Variants in TMOD3 observed in about 807,000 individuals in gnomAD.
TMOD3 encodes the protein tropomodulin-3.
In TMOD3, 20 loss-of-function variants were observed where a neutral mutation model predicts 39.2. The ratio of observed to expected loss-of-function variants is 0.51; its 90% CI spans 0.36 to 0.74. The LOEUF (loss-of-function observed/expected upper bound fraction) is 0.74, where lower values mean the gene tolerates loss of function less well. Among genes scored for constraint, TMOD3 ranks in the 30% least tolerant of loss-of-function variants. TMOD3 has a pLI of 0.00. For synonymous variants in TMOD3, 143 were observed against 145.8 expected, an observed-to-expected ratio of 0.98 and a Z score of 0.14; for missense variants, 381 against 412.8, an observed-to-expected ratio of 0.92 and a Z score of 0.67.
intron 9 of TMOD3, among the ~76,000 whole-genome samples, chr15:51,906,763 G>A (rs2056683394): frequency 6.6e-6 from 1 of 152,186 alleles, no homozygotes; most frequent in South Asian, 2.1e-4. Context: ...GCTCACGCCT[G>A]TAATCCCAGC....
chr15:51,889,830 C>T (rs2056583240), intron 5 of TMOD3, among the ~76,000 whole-genome samples: 1 of 152,146 alleles, frequency 6.6e-6, no homozygotes, highest in Admixed American at 6.5e-5. Context: ...CACTACTGCA[C>T]TCGAGCCTGG....
chr15:51,842,292 C>T (rs1050107761), intron 1 of TMOD3, among the ~76,000 whole-genome samples: 5 of 152,112 alleles, frequency 3.3e-5, no homozygotes, highest in Admixed American at 6.6e-5. Flanking sequence ...TCTCCATAGG[C>T]GAATACCCTA....
chr15:51,861,034 T>C, intron 1 of TMOD3: 1 of 715,596 alleles, frequency 1.4e-6, no homozygotes, highest in Non-Finnish European at 2.3e-6. Context: ...TGGTGTACAA[T>C]AGAATTCTCA....
intron 3 of TMOD3, among the ~76,000 whole-genome samples, chr15:51,876,926 G>T (rs940543202): frequency 6.6e-6 from 1 of 152,096 alleles, no homozygotes; most frequent in Admixed American, 6.6e-5. Context: ...AGCTGGATGC[G>T]GTGGTGTGTG....
chr15:51,893,473 G>A (rs2056604941), intron 5 of TMOD3, among the ~76,000 whole-genome samples: 1 of 150,626 alleles, frequency 6.6e-6, no homozygotes, highest in Admixed American at 6.6e-5. Context: ...CACTGTAATA[G>A]TATCAACTCC....
chr15:51,913,311 G>T lies in TMOD3; in HGVS notation c.*4501G>T, dbSNP rs1173236524. On this transcript the variant is annotated 3_prime_UTR_variant, in exon 10 of 10. Coordinates refer to ENST00000308580, the MANE Select transcript of TMOD3 (RefSeq NM_014547.5). Reference sequence around the variant, plus strand: ...TAATTTGGTCATTCTTAGATCTACAGATTGAACATCCCTAATTGAAAACTT... The same window carrying T: ...TAATTTGGTCATTCTTAGATCTACATATTGAACATCCCTAATTGAAAACTT... 6.6e-6 allele frequency: 1 copy of T among 152,154 alleles called. No homozygotes were observed. Among genetic ancestry groups the T allele is most frequent in the African/African-American group, 2.4e-5 (1 of 41,414 alleles). 9.4% of individuals were successfully genotyped at this position (152,154 alleles called of 1,614,324 possible).
At chr15:51,860,261 C>A in intron 1 of TMOD3, 1 of 518,460 alleles carries the variant, frequency 1.9e-6, no homozygotes, top group South Asian at 1.4e-5. Context: ...CAGTTGAAAG[C>A]AGTGACACAT....
chr15:51,894,365 A>G (rs1167945546), intron 6 of TMOD3, among the ~76,000 whole-genome samples: 3 of 152,214 alleles, frequency 2.0e-5, no homozygotes, highest in Non-Finnish European at 1.5e-5. Flanking sequence ...AGCCTGGGCA[A>G]CATAGTGAGA....
chr15:51,886,288 CT>C (rs2056562796), intron 3 of TMOD3, among the ~76,000 whole-genome samples: 2 of 152,230 alleles, frequency 1.3e-5, no homozygotes, highest in African/African-American at 4.8e-5. Context: ...AGGCTGCAAT[CT>C]GGGCACTTTG....
At chr15:51,887,539 A>G (rs1234069377) in intron 3 of TMOD3, 50 bp from the exon 4 acceptor site, 1 of 1,576,326 alleles carries the variant, frequency 6.3e-7, no homozygotes, top group Admixed American at 1.9e-5. Flanking sequence ...TAAAATGGTA[A>G]TGAGTTGATA....
intron 1 of TMOD3, among the ~76,000 whole-genome samples, chr15:51,843,841 A>G (rs2141671170): frequency 6.6e-6 from 1 of 152,142 alleles, no homozygotes; most frequent in East Asian, 1.9e-4. Context: ...GGGAGAATAT[A>G]TAATTACATA....
chr15:51,884,318 G>A (rs2056549004), intron 3 of TMOD3, among the ~76,000 whole-genome samples: 2 of 152,228 alleles, frequency 1.3e-5, no homozygotes, highest in Admixed American at 1.3e-4. Context: ...GCATCCCCTT[G>A]AAAAGCATGC....
chr15:51,901,973 C>T lies in TMOD3; in HGVS notation c.961C>T (p.Gln321Ter). 1 of 1,614,100 alleles carries T rather than the reference C, an allele frequency of 6.2e-7. No individual in the cohort carries two copies. The highest frequency in any genetic ancestry group is 8.5e-7 in the Non-Finnish European group (1 of 1,180,008). The part of the protein sequence containing the change: ...ENTNILKFGY[Q>*]FTQQGPRTRA... ...TACAAATATCCTTAAATTTGGATAT[C>T]AGTTTACACAGCAGGGACCACGAAC... Residue 321 changes from glutamine to a stop codon, truncating the protein, a stop_gained, in exon 9 of 10, where the codon CAG (glutamine) becomes TAG (stop). Coordinates refer to ENST00000308580, the MANE Select transcript of TMOD3 (RefSeq NM_014547.5). LOFTEE classifies it high-confidence loss of function.
chr15:51,890,521 T>C (rs1459869077), intron 5 of TMOD3, among the ~76,000 whole-genome samples: 1 of 152,034 alleles, frequency 6.6e-6, no homozygotes, highest in Admixed American at 6.6e-5. Flanking sequence ...TGTGCACAGC[T>C]CTTGGACGTG....
intron 6 of TMOD3, 78 bp downstream of exon 6, chr15:51,894,023 A>G (rs2056608723): frequency 1.6e-6 from 2 of 1,287,932 alleles, no homozygotes; most frequent in African/African-American, 1.5e-5. Context: ...AGTTGATAAA[A>G]TAGTCTAATT....
intron 5 of TMOD3, among the ~76,000 whole-genome samples, chr15:51,889,605 G>C (rs1008756107): frequency 2.6e-5 from 4 of 152,204 alleles, no homozygotes; most frequent in African/African-American, 4.8e-5. Context: ...AGGTGTGGTG[G>C]ATCATGACTG....
At chr15:51,891,495 C>G (rs1283240859) in intron 5 of TMOD3, among the ~76,000 whole-genome samples, 2 of 152,116 alleles carry the variant, frequency 1.3e-5, no homozygotes, top group Non-Finnish European at 2.9e-5. Flanking sequence ...AATCCTTCCT[C>G]TTTGGGGGAA....
chr15:51,835,252 T>A (rs2056276689), intron 1 of TMOD3, among the ~76,000 whole-genome samples: 1 of 152,222 alleles, frequency 6.6e-6, no homozygotes, highest in African/African-American at 2.4e-5. Flanking sequence ...ATTGGCTTGA[T>A]CTAAATAGAT....
chr15:51,900,387 G>T (rs1871422684), intron 8 of TMOD3, 89 bp downstream of exon 8: 2 of 1,466,550 alleles, frequency 1.4e-6, no homozygotes, highest in Admixed American at 2.2e-5. Flanking sequence ...TGGGAGGCGG[G>T]CTGTCAGGGA....
Sources: gnomAD v4.1 joint callset for allele counts (sites outside exome capture counted in the v4.1 genomes callset) on GRCh38, gnomAD v4.1.1 for gene constraint, MANE v1.5 for transcripts, NCBI Gene and HGNC (gene_info 2026-07-23, HGNC 2026-07-21) for gene names.